The following NIM1K variants were observed in gnomAD, a reference collection of about 807,000 sequenced individuals.
NIM1K encodes the protein NIM1 serine/threonine protein kinase.
Under a neutral mutation model 37.1 loss-of-function variants are expected in NIM1K, and 35 were observed. That is an observed-to-expected ratio of 0.94 (90% CI 0.72 to 1.25). The LOEUF is 1.25. NIM1K is among the 50% of genes most tolerant of loss of function. The probability of loss-of-function intolerance (pLI) is 0.00; values close to 1 mark genes in which losing one functional copy is unlikely to be tolerated. For synonymous variants in NIM1K, 234 were observed against 206.6 expected, an observed-to-expected ratio of 1.13 and a Z score of -1.14; for missense variants, 564 against 548.0, an observed-to-expected ratio of 1.03 and a Z score of -0.29.
chr5:43,269,705 G>A (rs1266296312), intron 2 of NIM1K, among the ~76,000 whole-genome samples: 4 of 151,818 alleles, frequency 2.6e-5, no homozygotes, highest in Non-Finnish European at 4.4e-5. Flanking sequence ...TGCAAGCTCC[G>A]CCTCCTGGGT....
chr5:43,201,787 C>G (rs948499195), intron 1 of NIM1K, among the ~76,000 whole-genome samples: 1 of 151,634 alleles, frequency 6.6e-6, no homozygotes, highest in Admixed American at 6.6e-5. Flanking sequence ...GGTGAAACCC[C>G]GTCTGTACTA....
chr5:43,228,108 T>C (rs746608887), intron 1 of NIM1K, among the ~76,000 whole-genome samples: 4 of 152,188 alleles, frequency 2.6e-5, no homozygotes, highest in Admixed American at 6.5e-5. Flanking sequence ...CATTTACTGA[T>C]AACTTTTAAA....
chr5:43,206,944 A>C, intron 1 of NIM1K: 1 of 764,714 alleles, frequency 1.3e-6, no homozygotes, highest in South Asian at 1.3e-5. Flanking sequence ...ATGGTGATGC[A>C]CAAGGCAAAG....
intron 2 of NIM1K, among the ~76,000 whole-genome samples, chr5:43,253,037 A>T (rs1363157839): frequency 6.9e-6 from 1 of 144,454 alleles, no homozygotes; most frequent in African/African-American, 2.6e-5. Context: ...GAGTGCAGTG[A>T]TGCGATCAAA....
chr5:43,271,696 G>A (rs568473874), intron 2 of NIM1K, among the ~76,000 whole-genome samples: 1 of 152,206 alleles, frequency 6.6e-6, no homozygotes, highest in East Asian at 1.9e-4. Flanking sequence ...TCATGCATGT[G>A]TATGTATTTT....
At chr5:43,255,351 TAGAC>T (rs1185717364) in intron 2 of NIM1K, among the ~76,000 whole-genome samples, 2 of 152,198 alleles carry the variant, frequency 1.3e-5, no homozygotes, top group Non-Finnish European at 2.9e-5. Context: ...GTGAACAAAA[TAGAC>T]AGCAATCTCT....
Position 43,225,260 on chromosome 5 carries a change from C to CAAAAA in NIM1K, c.-694-19796_-694-19792dup, listed in dbSNP as rs10555794. On this transcript the variant is annotated intron_variant, in intron 1 of 3. Coordinates refer to ENST00000326035, the MANE Select transcript of NIM1K (RefSeq NM_153361.4). The stretch of plus-strand genomic sequence containing the variant: ...GGGCAACAGAAAGAGACCCTCTTTC[C>CAAAAA]AAAAAAAAAAAAAAAAAAAAAAAAA... 1.4e-3 allele frequency among the ~76,000 whole-genome samples: 102 copies of CAAAAA among 72,710 alleles called. 3 individuals are homozygous for CAAAAA. Among genetic ancestry groups the CAAAAA allele is most frequent in the Non-Finnish European group, 1.8e-3 (72 of 40,756 alleles). The allele number at this position is 72,710 out of a possible 152,430, so 47.7% of individuals were successfully genotyped here.
At chr5:43,209,381 G>A (rs182462887) in intron 1 of NIM1K, among the ~76,000 whole-genome samples, 1 of 152,298 alleles carries the variant, frequency 6.6e-6, no homozygotes, top group Admixed American at 6.5e-5. Flanking sequence ...CTAGAGAGGT[G>A]CTCTGGTTTA....
intron 2 of NIM1K, among the ~76,000 whole-genome samples, chr5:43,261,013 G>A (rs1306573523): frequency 6.6e-6 from 1 of 152,068 alleles, no homozygotes; most frequent in African/African-American, 2.4e-5. Flanking sequence ...TCTATCATTG[G>A]TGGACATTTG....
At chr5:43,239,936 T>A (rs1290120686) in intron 1 of NIM1K, among the ~76,000 whole-genome samples, 1 of 152,122 alleles carries the variant, frequency 6.6e-6, no homozygotes, top group African/African-American at 2.4e-5. Flanking sequence ...CTTTTTATTT[T>A]AAAAGCAATC....
chr5:43,221,052 G>A (rs554917321), intron 1 of NIM1K, among the ~76,000 whole-genome samples: 14 of 152,252 alleles, frequency 9.2e-5, no homozygotes, highest in South Asian at 4.1e-4. Flanking sequence ...TCTCCATATA[G>A]ACATTAATAA....
intron 1 of NIM1K, among the ~76,000 whole-genome samples, chr5:43,219,985 A>G (rs1752358958): frequency 1.3e-5 from 2 of 152,218 alleles, no homozygotes; most frequent in Admixed American, 1.3e-4. Context: ...TCGGCCTCCC[A>G]AAGTGTTGGG....
chr5:43,205,208 G>C (rs561176402), intron 1 of NIM1K, among the ~76,000 whole-genome samples: 1 of 152,318 alleles, frequency 6.6e-6, no homozygotes, highest in African/African-American at 2.4e-5. Flanking sequence ...CTGGACCCCA[G>C]ACTGGCCTTG....
At chr5:43,199,978 T>A (rs1751994757) in intron 1 of NIM1K, among the ~76,000 whole-genome samples, 1 of 151,174 alleles carries the variant, frequency 6.6e-6, no homozygotes, top group South Asian at 2.1e-4. Flanking sequence ...CGGGTTCAAG[T>A]GATTCTCCTG....
At position 43,256,421 on chromosome 5, in the gene NIM1K, A is replaced by G. The variant is rs138987696; in HGVS notation, c.292+10354A>G. 5.0e-3 allele frequency among the ~76,000 whole-genome samples: 758 copies of G among 152,350 alleles called. 5 individuals carry two copies. Among genetic ancestry groups the G allele is most frequent in the African/African-American group, 0.018 (730 of 41,594 alleles). On this transcript the variant is annotated intron_variant, in intron 2 of 3. Transcript: ENST00000326035. ...GTCAAATACTCAAAAGGTTAGGTAA[A>G]CACAAGAACAGTTTACACTGACTGA...
At chr5:43,238,011 G>A (rs187597400) in intron 1 of NIM1K, among the ~76,000 whole-genome samples, 269 of 148,154 alleles carry the variant, frequency 1.8e-3, no homozygotes, top group South Asian at 9.9e-3. Flanking sequence ...ATCTCTTCTC[G>A]ATTTTTCTTT....
intron 2 of NIM1K, among the ~76,000 whole-genome samples, chr5:43,270,230 A>C (rs1038449932): frequency 6.6e-6 from 1 of 152,220 alleles, no homozygotes; most frequent in Admixed American, 6.5e-5. Context: ...ATTTTTATCA[A>C]TGACATAAAT....
chr5:43,221,458 A>G (rs1423027288), intron 1 of NIM1K, among the ~76,000 whole-genome samples: 1 of 52,428 alleles, frequency 1.9e-5, no homozygotes, highest in Non-Finnish European at 5.8e-5. Flanking sequence ...AAAAAAAAAA[A>G]AAAAAAAAAA....
chr5:43,277,457 A>T, intron 3 of NIM1K, 132 bp downstream of exon 3: 9 of 928,848 alleles, frequency 9.7e-6, no homozygotes, highest in Non-Finnish European at 1.4e-5. Context: ...CCCTTCTGAG[A>T]GTCAGAAGTC....
Sources: allele counts gnomAD v4.1 joint callset (sites outside exome capture counted in the v4.1 genomes callset), GRCh38; gene constraint gnomAD v4.1.1; transcripts MANE v1.5; gene names NCBI Gene and HGNC (gene_info 2026-07-23, HGNC 2026-07-21).